NHS: variants seen among roughly 807,000 people sequenced by gnomAD.
The protein encoded by NHS is actin remodeling regulator NHS.
In NHS, 5 loss-of-function variants were observed where a neutral mutation model predicts 72.5. The observed-to-expected ratio is 0.07, with a 90% CI of 0.04 to 0.14. The LOEUF (loss-of-function observed/expected upper bound fraction) is 0.14, where lower values mean the gene tolerates loss of function less well. Ranked by LOEUF, NHS falls within the 10% of genes least tolerant of loss-of-function variation. NHS has a pLI of 1.00. For missense variants in NHS, 1,072 were observed against 1,355.7 expected, an observed-to-expected ratio of 0.79 and a Z score of 3.29; for synonymous variants, 464 against 547.7, an observed-to-expected ratio of 0.85 and a Z score of 2.13.
chrX:17,622,687 A>G (rs1476089005), intron 1 of NHS, among the ~76,000 whole-genome samples: 1 of 111,812 alleles, frequency 8.9e-6, no homozygotes, highest in African/African-American at 3.3e-5. Flanking sequence ...ATGAGTTGCA[A>G]TTCCACTGAG....
At chrX:17,643,589 A>G (rs1373920947) in intron 1 of NHS, among the ~76,000 whole-genome samples, 1 of 112,058 alleles carries the variant, frequency 8.9e-6, no homozygotes, top group Non-Finnish European at 1.9e-5. Flanking sequence ...TGGACAAGGG[A>G]CAGAGCCAAT....
chrX:17,615,083 T>C (rs1248515356), intron 1 of NHS, among the ~76,000 whole-genome samples: 1 of 99,020 alleles, frequency 1.0e-5, no homozygotes, highest in Non-Finnish European at 2.0e-5. Flanking sequence ...CATATATATA[T>C]ATATGTGTGT....
At chrX:17,629,009 C>A (rs758764076) in intron 1 of NHS, among the ~76,000 whole-genome samples, 1 of 112,596 alleles carries the variant, frequency 8.9e-6, no homozygotes, top group African/African-American at 3.2e-5. Flanking sequence ...TTAGTGGAAA[C>A]AGTGAGGAGA....
At chrX:17,424,646 A>C (rs1247075037) in intron 1 of NHS, among the ~76,000 whole-genome samples, 1 of 112,244 alleles carries the variant, frequency 8.9e-6, no homozygotes, top group African/African-American at 3.2e-5. Flanking sequence ...AAGGAATAGT[A>C]CCAGGTTTAC....
At chrX:17,539,353 C>A (rs755989138) in intron 1 of NHS, among the ~76,000 whole-genome samples, 1 of 109,743 alleles carries the variant, frequency 9.1e-6, no homozygotes, top group Admixed American at 9.8e-5. Flanking sequence ...TAATGCTCTG[C>A]GACATAGCAT....
intron 1 of NHS, among the ~76,000 whole-genome samples, chrX:17,582,596 C>T (rs905064696): frequency 5.4e-5 from 6 of 111,286 alleles, no homozygotes; most frequent in African/African-American, 1.3e-4. Flanking sequence ...GAGGACAGTG[C>T]GCTCCCTGGG....
rs140307287 is a variant in NHS, at chrX:17,564,622, C to G, written c.566-123120C>G. On this transcript the variant is annotated intron_variant, in intron 1 of 8. Coordinates refer to ENST00000676302, the MANE Select transcript of NHS (RefSeq NM_001291867.2). ...AACCAGGCTATTTGTCTTACCAGGACGCTCCATTCTCTAACAGCTCTAAAT... is the reference window on the plus strand; with the variant it reads ...AACCAGGCTATTTGTCTTACCAGGAGGCTCCATTCTCTAACAGCTCTAAAT... Among the ~76,000 whole-genome samples the G allele has an allele frequency of 2.7e-5, 3 of 112,542 alleles. No homozygotes were observed. In the East Asian group the frequency reaches 8.4e-4, roughly 32 times the overall value.
At chrX:17,603,039 T>A (rs957261656) in intron 1 of NHS, among the ~76,000 whole-genome samples, 7 of 109,815 alleles carry the variant, frequency 6.4e-5, no homozygotes, top group African/African-American at 1.0e-4. Context: ...AGAGACAAGG[T>A]CTTGGTATGT....
chrX:17,602,939 C>G lies in NHS; in HGVS notation c.566-84803C>G, dbSNP rs190102615. On this transcript the variant is annotated intron_variant, in intron 1 of 8. Coordinates refer to ENST00000676302, the MANE Select transcript of NHS (RefSeq NM_001291867.2). ...CACCGCAGCTTCTAACTCCTGGGAT[C>G]GGGTGATCCTCCTGCCTCAGCCTCC... Among the ~76,000 whole-genome samples the G allele has an allele frequency of 3.0e-3, 322 of 105,884 alleles. 10 individuals carry two copies. In the East Asian group the frequency reaches 0.084, roughly 28 times the overall value. The allele number at this position is 105,884 out of a possible 115,157, so 91.9% of individuals were successfully genotyped here.
intron 1 of NHS, among the ~76,000 whole-genome samples, chrX:17,488,877 G>A (rs1219604831): frequency 1.8e-5 from 2 of 110,403 alleles, no homozygotes; most frequent in Admixed American, 1.0e-4. Flanking sequence ...GTGCCATGGT[G>A]GTTTGCTGCA....
At chrX:17,604,078 AATAGTGTACAAAT>A in intron 1 of NHS, among the ~76,000 whole-genome samples, 1 of 111,376 alleles carries the variant, frequency 9.0e-6, no homozygotes, top group East Asian at 2.8e-4. Context: ...ATCAGTTAAT[AATAGTGTACAAAT>A]ACAAGGTATT....
intron 1 of NHS, among the ~76,000 whole-genome samples, chrX:17,623,494 G>T (rs747309239): frequency 4.1e-4 from 46 of 110,990 alleles, no homozygotes; most frequent in African/African-American, 1.4e-3. Context: ...ATGGGGGTAG[G>T]GGGGAGGTGG....
intron 1 of NHS, among the ~76,000 whole-genome samples, chrX:17,428,790 G>A (rs182257722): frequency 1.1e-4 from 12 of 111,252 alleles, no homozygotes. Context: ...GGAACTTCCT[G>A]GTTTCCAGCC....
intron 1 of NHS, among the ~76,000 whole-genome samples, chrX:17,607,757 A>G (rs2065688386): frequency 9.1e-6 from 1 of 110,438 alleles, no homozygotes; most frequent in African/African-American, 3.3e-5. Flanking sequence ...TAATTTTCTT[A>G]ATTTTAACTA....
intron 1 of NHS, among the ~76,000 whole-genome samples, chrX:17,544,184 T>G (rs1001156670): frequency 4.4e-5 from 5 of 112,422 alleles, no homozygotes; most frequent in Non-Finnish European, 9.4e-5. Flanking sequence ...GAGATTAGAA[T>G]TGTTGTCCCC....
At chrX:17,599,009 A>C (rs745553332) in intron 1 of NHS, among the ~76,000 whole-genome samples, 17 of 111,801 alleles carry the variant, frequency 1.5e-4, no homozygotes, top group Admixed American at 5.7e-4. Context: ...AATACAGCCT[A>C]CTTTCTCTTG....
rs1025517808 is a variant in NHS, at chrX:17,572,423, G to A, written c.566-115319G>A. Among the ~76,000 whole-genome samples the A allele has an allele frequency of 4.4e-4, 47 of 107,333 alleles. 1 individual carries two copies. Among genetic ancestry groups the A allele is most frequent in the East Asian group, 1.4e-3 (5 of 3,468 alleles). 93.2% of individuals were successfully genotyped at this position (107,333 alleles called of 115,157 possible). A position where few individuals can be genotyped will look rare whatever the true frequency, so the allele number is the denominator to read the frequency against. On this transcript the variant is annotated intron_variant, in intron 1 of 8. Transcript: ENST00000676302. ...TTGATCCCTTTACCATTATATAATG[G>A]CCTTCTTTGTCTCTTTTGATCTTTA...
chrX:17,625,274 C>A (rs2065792933), intron 1 of NHS, among the ~76,000 whole-genome samples: 1 of 111,185 alleles, frequency 9.0e-6, no homozygotes, highest in Non-Finnish European at 1.9e-5. Context: ...TATGGTATCA[C>A]ATGTCACTCA....
intron 1 of NHS, among the ~76,000 whole-genome samples, chrX:17,547,906 C>T (rs766736069): frequency 1.7e-3 from 191 of 111,996 alleles, no homozygotes; most frequent in Non-Finnish European, 2.5e-3. Flanking sequence ...GTCCTCTCTC[C>T]ATGTGGTCTT....
Sources: gnomAD v4.1 joint callset for allele counts (sites outside exome capture counted in the v4.1 genomes callset) on GRCh38, gnomAD v4.1.1 for gene constraint, MANE v1.5 for transcripts, NCBI Gene and HGNC (gene_info 2026-07-23, HGNC 2026-07-21) for gene names.